The following JADE3 variants were observed in gnomAD, a reference collection of about 807,000 sequenced individuals.
The protein encoded by JADE3 is jade family PHD finger 3, also known as protein Jade-3.
A neutral mutation model predicts 50.1 loss-of-function variants in JADE3; 2 were observed. The observed-to-expected ratio is 0.04, with a 90% CI of 0.02 to 0.13. The LOEUF is 0.13. Among genes scored for constraint, JADE3 ranks in the 10% least tolerant of loss-of-function variants. The pLI is 1.00. For missense variants in JADE3, 475 were observed against 634.4 expected (o/e 0.75, Z 2.70); for synonymous variants, 218 against 232.9 (o/e 0.94, Z 0.58).
chrX:46,944,039 G>T (rs930562087), intron 1 of JADE3, among the ~76,000 whole-genome samples: 3 of 110,557 alleles, frequency 2.7e-5, no homozygotes, highest in African/African-American at 9.9e-5. Flanking sequence ...TATTTCTGTG[G>T]GGTCAGTGTA....
At chrX:47,015,776 G>C (rs1928660390) in intron 4 of JADE3, among the ~76,000 whole-genome samples, 1 of 93,256 alleles carries the variant, frequency 1.1e-5, no homozygotes, top group South Asian at 5.7e-4. Flanking sequence ...CTGGAGTGCA[G>C]TGGCATGATC....
chrX:46,924,911 C>T (rs182129548), intron 1 of JADE3, among the ~76,000 whole-genome samples: 1 of 111,712 alleles, frequency 9.0e-6, no homozygotes, highest in East Asian at 2.8e-4. Context: ...TTATCCACAT[C>T]GCCAGGTGCC....
chrX:46,921,783 G>C (rs998308712), intron 1 of JADE3, among the ~76,000 whole-genome samples: 2 of 110,780 alleles, frequency 1.8e-5, no homozygotes, highest in South Asian at 7.8e-4. Flanking sequence ...TCTGTTTTTG[G>C]TTGTCTGAGA....
chrX:46,922,551 CTT>C (rs1182119165), intron 1 of JADE3, among the ~76,000 whole-genome samples: 1 of 110,010 alleles, frequency 9.1e-6, no homozygotes, highest in Non-Finnish European at 1.9e-5. Flanking sequence ...TCATTCGTCT[CTT>C]TTTAATTTTT....
intron 4 of JADE3, among the ~76,000 whole-genome samples, chrX:47,014,335 G>T (rs1556362406): frequency 8.9e-6 from 1 of 112,104 alleles, no homozygotes; most frequent in African/African-American, 3.2e-5. Flanking sequence ...TGAACAAGAT[G>T]AATTTTTTCC....
intron 1 of JADE3, among the ~76,000 whole-genome samples, chrX:46,938,289 T>C (rs1926678845): frequency 8.9e-6 from 1 of 111,953 alleles, no homozygotes; most frequent in South Asian, 3.7e-4. Context: ...TGTGAACATT[T>C]TTAGTGCTAC....
At chrX:47,044,093 C>T (rs1156575139) in intron 8 of JADE3, among the ~76,000 whole-genome samples, 1 of 111,228 alleles carries the variant, frequency 9.0e-6, no homozygotes, top group Non-Finnish European at 1.9e-5. Context: ...AGAGAGAGAT[C>T]AGAGTAGAAA....
At chrX:46,979,226 A>C (rs1376326107) in intron 1 of JADE3, among the ~76,000 whole-genome samples, 1 of 112,437 alleles carries the variant, frequency 8.9e-6, no homozygotes, top group Non-Finnish European at 1.9e-5. Flanking sequence ...AAAAATGCCA[A>C]ATTTTGCCTA....
chrX:47,052,598 C>T (rs1264472262), intron 8 of JADE3, among the ~76,000 whole-genome samples: 1 of 92,977 alleles, frequency 1.1e-5, no homozygotes, highest in East Asian at 3.5e-4. Context: ...TGTGCCACTG[C>T]CCTCCAGCCT....
chrX:46,934,722 A>G (rs1187493802), intron 1 of JADE3, among the ~76,000 whole-genome samples: 1 of 111,071 alleles, frequency 9.0e-6, no homozygotes, highest in Non-Finnish European at 1.9e-5. Flanking sequence ...AGCCTGAGCC[A>G]CCGTGCCCGG....
intron 4 of JADE3, among the ~76,000 whole-genome samples, chrX:47,023,186 C>T (rs1928833965): frequency 9.0e-6 from 1 of 111,136 alleles, no homozygotes; most frequent in African/African-American, 3.3e-5. Flanking sequence ...AAACGTGTGC[C>T]ATGGTCGTTT....
chrX:46,992,180 G>C (rs782433449), intron 3 of JADE3, among the ~76,000 whole-genome samples: 6 of 111,023 alleles, frequency 5.4e-5, no homozygotes, highest in Non-Finnish European at 9.4e-5. Context: ...GTCCTGACTT[G>C]ATACCCTTCC....
At chrX:46,921,696 A>G (rs782720322) in intron 1 of JADE3, among the ~76,000 whole-genome samples, 3 of 111,278 alleles carry the variant, frequency 2.7e-5, no homozygotes, top group Non-Finnish European at 5.7e-5. Flanking sequence ...CAGGTTTCCT[A>G]CCTTGATCAC....
At position 47,056,184 on chromosome X, in the gene JADE3, C is replaced by G. The variant is rs200690550; in HGVS notation, c.1546C>G (p.Gln516Glu). The G allele has an allele frequency of 3.6e-5, 42 of 1,157,961 alleles. No homozygotes were observed. In the East Asian group the frequency reaches 1.2e-3, roughly 32 times the overall value. Residue 516 changes from glutamine (Q) to glutamate (E), a missense_variant, in exon 10 of 11, where the codon CAA becomes GAA. Gln to Glu is a conservative substitution (Grantham distance 29). This residue lies in a region of JADE3 where 243 missense variants were observed against 238.2 expected (regional missense o/e 1.02). Coordinates refer to ENST00000614628, the MANE Select transcript of JADE3 (RefSeq NM_014735.5). The part of the protein sequence containing the change: ...IFGLQVQLLN[Q>E]EIDAGLPLTN... ...CGGTTTGCAAGTCCAGCTTCTTAAC[C>G]AAGAAATTGATGCAGGTAACCTGTA...
At chrX:47,054,102 A>T in intron 8 of JADE3, 56 bp from the exon 9 acceptor site, 1 of 830,630 alleles carries the variant, frequency 1.2e-6, no homozygotes. Context: ...CCAGAAACAT[A>T]GGTCTCTCCC....
chrX:46,960,489 C>G (rs369771843), intron 1 of JADE3, among the ~76,000 whole-genome samples: 1 of 111,722 alleles, frequency 9.0e-6, no homozygotes, highest in East Asian at 2.8e-4. Flanking sequence ...GACCAGTCAC[C>G]AATAAAAACC....
rs375877799 is a variant in JADE3, at chrX:46,946,925, A to G, written c.-12+34206A>G. 6.4e-4 allele frequency among the ~76,000 whole-genome samples: 72 copies of G among 112,490 alleles called. No homozygotes were observed. The South Asian group carries it at 0.024, about 38-fold the overall frequency. ...GCCATCTTCACAAGATTACATCCCA[A>G]GTGTGGACTTGGACCAGGGACTTTA... On this transcript the variant is annotated intron_variant, in intron 1 of 10. Transcript: ENST00000614628.
chrX:47,037,271 A>G (rs1556368184), intron 7 of JADE3, among the ~76,000 whole-genome samples: 1 of 111,441 alleles, frequency 9.0e-6, no homozygotes, highest in African/African-American at 3.3e-5. Flanking sequence ...CCTCCTTTCT[A>G]CTTACATTCT....
chrX:46,975,714 C>CTTTTTTTTTTTTTTTTTTTT (rs782578317), intron 1 of JADE3, among the ~76,000 whole-genome samples: 2 of 40,524 alleles, frequency 4.9e-5, no homozygotes, highest in Admixed American at 4.6e-4. Flanking sequence ...TTTTCTTTTT[C>CTTTTTTTTTTTTTTTTTTTT]TTTTTTTTTT....
Sources: allele counts gnomAD v4.1 joint callset (sites outside exome capture counted in the v4.1 genomes callset), GRCh38; gene constraint gnomAD v4.1.1; regional missense constraint gnomAD v4.1.1; transcripts MANE v1.5; gene names NCBI Gene and HGNC (gene_info 2026-07-23, HGNC 2026-07-21).